Variants in GHR observed in about 807,000 individuals in gnomAD.
The protein encoded by GHR is growth hormone receptor.
Under a neutral mutation model 67.1 loss-of-function variants are expected in GHR, and 35 were observed. That is an observed-to-expected ratio of 0.52 (90% CI 0.40 to 0.69). GHR has a LOEUF of 0.69. Ranked by LOEUF, GHR falls within the 30% of genes least tolerant of loss-of-function variation. The probability of loss-of-function intolerance (pLI) is 0.00; values close to 1 mark genes in which losing one functional copy is unlikely to be tolerated. For missense variants in GHR, 792 were observed against 764.6 expected, an observed-to-expected ratio of 1.04 and a Z score of -0.42; for synonymous variants, 272 against 269.1, an observed-to-expected ratio of 1.01 and a Z score of -0.10.
At chr5:42,481,320 A>C (rs1183276392) in intron 1 of GHR, among the ~76,000 whole-genome samples, 1 of 151,864 alleles carries the variant, frequency 6.6e-6, no homozygotes, top group Non-Finnish European at 1.5e-5. Context: ...TGCCCTGAAC[A>C]TTTTTTCCTG....
chr5:42,506,069 G>A (rs1044384470), intron 1 of GHR, among the ~76,000 whole-genome samples: 1 of 152,106 alleles, frequency 6.6e-6, no homozygotes, highest in Admixed American at 6.5e-5. Flanking sequence ...TTTAGGACTT[G>A]CTCTGGAGCC....
intron 3 of GHR, among the ~76,000 whole-genome samples, chr5:42,640,924 G>A (rs1754439362): frequency 6.6e-6 from 1 of 152,088 alleles, no homozygotes; most frequent in Non-Finnish European, 1.5e-5. Context: ...TTTACAACTG[G>A]AGCAGCAGGT....
intron 1 of GHR, chr5:42,467,107 A>AAGGCAT (rs1320386957): frequency 1.3e-6 from 2 of 1,595,906 alleles, no homozygotes; most frequent in East Asian, 4.5e-5. Flanking sequence ...GCTACATGTG[A>AAGGCAT]AGGCCTTCCC....
At chr5:42,592,706 T>C (rs1404409027) in intron 2 of GHR, among the ~76,000 whole-genome samples, 1 of 152,208 alleles carries the variant, frequency 6.6e-6, no homozygotes, top group Non-Finnish European at 1.5e-5. Flanking sequence ...TTATTGTGAA[T>C]AGAGCCTCAG....
intron 1 of GHR, among the ~76,000 whole-genome samples, chr5:42,560,462 G>C (rs1243264350): frequency 6.6e-6 from 1 of 152,160 alleles, no homozygotes; most frequent in African/African-American, 2.4e-5. Flanking sequence ...AAAATGCTGG[G>C]ATTACAGGTG....
intron 2 of GHR, among the ~76,000 whole-genome samples, chr5:42,602,447 C>T (rs1386415571): frequency 6.6e-6 from 1 of 152,134 alleles, no homozygotes; most frequent in African/African-American, 2.4e-5. Flanking sequence ...ACAGTTGGAT[C>T]TTCATTCTTT....
intron 6 of GHR, among the ~76,000 whole-genome samples, chr5:42,709,220 A>T (rs1758332350): frequency 6.6e-6 from 1 of 151,804 alleles, no homozygotes; most frequent in African/African-American, 2.4e-5. Flanking sequence ...TGCAACCTCC[A>T]CCTCCAGAGT....
At chr5:42,480,728 T>A (rs1745588994) in intron 1 of GHR, among the ~76,000 whole-genome samples, 1 of 152,224 alleles carries the variant, frequency 6.6e-6, no homozygotes, top group Non-Finnish European at 1.5e-5. Context: ...TTTTCTGTTT[T>A]CCATTTGCTT....
At chr5:42,703,213 G>A (rs1248813813) in intron 6 of GHR, among the ~76,000 whole-genome samples, 3 of 151,736 alleles carry the variant, frequency 2.0e-5, no homozygotes, top group South Asian at 2.1e-4. Context: ...GTCTTTAATC[G>A]ATTTTGAGTT....
chr5:42,516,942 C>T (rs1172102133), intron 1 of GHR, among the ~76,000 whole-genome samples: 1 of 152,066 alleles, frequency 6.6e-6, no homozygotes, highest in African/African-American at 2.4e-5. Flanking sequence ...AATTATTTAC[C>T]GGTGTTCACT....
intron 1 of GHR, among the ~76,000 whole-genome samples, chr5:42,550,616 ATC>A (rs1175027433): frequency 1.3e-5 from 2 of 151,978 alleles, no homozygotes; most frequent in Non-Finnish European, 2.9e-5. Flanking sequence ...ACACATCTCA[ATC>A]TCTCTGTTTT....
intron 1 of GHR, among the ~76,000 whole-genome samples, chr5:42,451,303 G>A (rs950210833): frequency 1.3e-5 from 2 of 151,666 alleles, no homozygotes; most frequent in African/African-American, 4.8e-5. Flanking sequence ...TATTAATTTG[G>A]GAGCTCCACT....
intron 1 of GHR, among the ~76,000 whole-genome samples, chr5:42,501,691 C>T (rs1303103615): frequency 6.6e-6 from 1 of 152,148 alleles, no homozygotes; most frequent in East Asian, 1.9e-4. Flanking sequence ...GTATACATTG[C>T]TGTAATGTCA....
At chr5:42,553,455 C>A (rs768343753) in intron 1 of GHR, among the ~76,000 whole-genome samples, 1 of 152,104 alleles carries the variant, frequency 6.6e-6, no homozygotes, top group Non-Finnish European at 1.5e-5. Context: ...CTATGTACCC[C>A]CTTCCAGCAA....
At chr5:42,441,367 G>A (rs906903683) in intron 1 of GHR, among the ~76,000 whole-genome samples, 3 of 152,182 alleles carry the variant, frequency 2.0e-5, no homozygotes, top group African/African-American at 7.2e-5. Flanking sequence ...TTGTAGTGAT[G>A]GGGGCAGAAG....
chr5:42,713,331 A>G, intron 7 of GHR, 98 bp from the exon 8 acceptor site: 1 of 733,066 alleles, frequency 1.4e-6, no homozygotes, highest in South Asian at 1.4e-5. Flanking sequence ...TATTAGATGA[A>G]TACAAATTAT....
At chr5:42,485,973 A>C (rs556560659) in intron 1 of GHR, among the ~76,000 whole-genome samples, 1 of 152,108 alleles carries the variant, frequency 6.6e-6, no homozygotes, top group Non-Finnish European at 1.5e-5. Flanking sequence ...GAAGATTTAG[A>C]TCAGTAGTTC....
At chr5:42,692,351 T>C (rs1031419624) in intron 4 of GHR, among the ~76,000 whole-genome samples, 1 of 152,052 alleles carries the variant, frequency 6.6e-6, no homozygotes, top group Admixed American at 6.6e-5. Flanking sequence ...TTTCACAAGA[T>C]AGTCTGGGAG....
intron 2 of GHR, among the ~76,000 whole-genome samples, chr5:42,597,367 G>T (rs553034138): frequency 6.6e-6 from 1 of 152,118 alleles, no homozygotes; most frequent in Non-Finnish European, 1.5e-5. Context: ...TTAATTTTAA[G>T]TTGCCATAAT....
Sources: allele counts gnomAD v4.1 joint callset (sites outside exome capture counted in the v4.1 genomes callset), GRCh38; gene constraint gnomAD v4.1.1; transcripts MANE v1.5; gene names NCBI Gene and HGNC (gene_info 2026-07-23, HGNC 2026-07-21).